The following NAALADL2 variants were observed in gnomAD, a reference collection of about 807,000 sequenced individuals.
NAALADL2 encodes the protein N-acetylated alpha-linked acidic dipeptidase like 2, also known as inactive N-acetylated-alpha-linked acidic dipeptidase-like protein 2.
A neutral mutation model predicts 87.2 loss-of-function variants in NAALADL2; 76 were observed. That is an observed-to-expected ratio of 0.87 (90% CI 0.72 to 1.05). The LOEUF is 1.05. Ranked by LOEUF, NAALADL2 falls within the 50% of genes least tolerant of loss-of-function variation. NAALADL2 has a pLI of 0.00. For missense variants in NAALADL2, 1,089 were observed against 945.8 expected (o/e 1.15, Z -1.99); for synonymous variants, 354 against 331.0 (o/e 1.07, Z -0.75).
chr3:175,370,288 T>C (rs1766295928), intron 5 of NAALADL2, among the ~76,000 whole-genome samples: 1 of 152,134 alleles, frequency 6.6e-6, no homozygotes, highest in Non-Finnish European at 1.5e-5. Flanking sequence ...ATTTTAAATA[T>C]CAAATTTTAA....
intron 1 of NAALADL2, among the ~76,000 whole-genome samples, chr3:174,924,036 C>T (rs1247580489): frequency 3.9e-5 from 6 of 152,086 alleles, no homozygotes; most frequent in Non-Finnish European, 8.8e-5. Flanking sequence ...TGGTATCTTA[C>T]TTGTTCAGGA....
intron 8 of NAALADL2, among the ~76,000 whole-genome samples, chr3:175,467,927 T>C (rs185081786): frequency 2.6e-5 from 4 of 152,286 alleles, no homozygotes; most frequent in Admixed American, 1.3e-4. Context: ...CTATTTACTT[T>C]TGTGATTTGT....
chr3:174,688,413 ACAAT>A (rs777070448), intron 2 of NAALADL2, among the ~76,000 whole-genome samples: 170 of 151,702 alleles, frequency 1.1e-3, no homozygotes, highest in Middle Eastern at 3.4e-3. Context: ...AAAAATATAA[ACAAT>A]CAGTCACATA....
chr3:175,070,772 A>G (rs1715487892), intron 1 of NAALADL2, among the ~76,000 whole-genome samples: 1 of 152,102 alleles, frequency 6.6e-6, no homozygotes, highest in African/African-American at 2.4e-5. Context: ...GTACCATATT[A>G]AAGTAAATAC....
chr3:175,666,587 A>G (rs190369666), intron 11 of NAALADL2, among the ~76,000 whole-genome samples: 1 of 152,306 alleles, frequency 6.6e-6, no homozygotes. Context: ...AACAAAAAAT[A>G]TCATTATTAT....
At chr3:174,808,040 C>T (rs1399804) in intron 3 of NAALADL2, among the ~76,000 whole-genome samples, 36,213 of 151,724 alleles carry the variant, frequency 0.24, 4,614 homozygotes, top group Middle Eastern at 0.3. Flanking sequence ...GTACATTATC[C>T]GTAAAAATAT....
chr3:175,329,622 C>T (rs1279069965), intron 5 of NAALADL2, among the ~76,000 whole-genome samples: 2 of 152,068 alleles, frequency 1.3e-5, no homozygotes, highest in South Asian at 4.1e-4. Context: ...ATATCTGTCA[C>T]TTGGTTGGGG....
At chr3:174,916,618 AAAACC>A (rs1734437560) in intron 1 of NAALADL2, among the ~76,000 whole-genome samples, 2 of 142,994 alleles carry the variant, frequency 1.4e-5, no homozygotes, top group South Asian at 4.5e-4. Context: ...CCAGGAATGG[AAAACC>A]AAATATTATA....
chr3:174,475,122 A>G (rs1313603660), intron 1 of NAALADL2, among the ~76,000 whole-genome samples: 2 of 151,952 alleles, frequency 1.3e-5, no homozygotes, highest in Non-Finnish European at 2.9e-5. Flanking sequence ...AATAGGTCCC[A>G]ACTGGAAATA....
At chr3:174,638,650 C>A (rs561866524) in intron 2 of NAALADL2, among the ~76,000 whole-genome samples, 1 of 151,618 alleles carries the variant, frequency 6.6e-6, no homozygotes, top group South Asian at 2.1e-4. Context: ...ATTAAGAAGA[C>A]TAAGATTTTC....
intron 5 of NAALADL2, among the ~76,000 whole-genome samples, chr3:175,368,313 TTC>T (rs1209527271): frequency 1.3e-5 from 2 of 152,164 alleles, no homozygotes; most frequent in Non-Finnish European, 2.9e-5. Context: ...TGGTCTAAAA[TTC>T]TCTTTTTTGG....
intron 1 of NAALADL2, among the ~76,000 whole-genome samples, chr3:174,896,331 A>C (rs1731523092): frequency 6.6e-6 from 1 of 152,158 alleles, no homozygotes; most frequent in African/African-American, 2.4e-5. Context: ...AAATTCATTC[A>C]AGTTGCAGGA....
intron 5 of NAALADL2, among the ~76,000 whole-genome samples, chr3:175,408,836 A>G (rs945832228): frequency 6.6e-6 from 1 of 152,000 alleles, no homozygotes; most frequent in Admixed American, 6.6e-5. Context: ...AAACAATCAC[A>G]TGCTGGAATA....
chr3:175,588,006 A>T (rs1046558783), intron 10 of NAALADL2, among the ~76,000 whole-genome samples: 13 of 152,178 alleles, frequency 8.5e-5, no homozygotes, highest in African/African-American at 3.1e-4. Flanking sequence ...CCTAGAACTC[A>T]GGGTAACTAG....
Position 175,298,718 on chromosome 3 carries a change from T to C in NAALADL2, c.940-25457T>C, listed in dbSNP as rs1756669859. Among the ~76,000 whole-genome samples the C allele has an allele frequency of 2.6e-5, 4 of 152,156 alleles. No individual in the cohort carries two copies. The South Asian group carries it at 8.3e-4, about 32-fold the overall frequency. On this transcript the variant is annotated intron_variant, in intron 4 of 13. Coordinates refer to ENST00000454872, the MANE Select transcript of NAALADL2 (RefSeq NM_207015.3). ...CTTTCAGTTGTATTCTGTGCATTTC[T>C]ATATTGGGTTCATTTAAATCAGAAT... is the stretch of plus-strand genomic sequence containing the variant.
intron 3 of NAALADL2, among the ~76,000 whole-genome samples, chr3:174,834,826 TAGA>T (rs200265157): frequency 0.036 from 5,402 of 151,060 alleles, 156 homozygotes; most frequent in Non-Finnish European, 0.054. Flanking sequence ...GTTTATTGGT[TAGA>T]AGACAATATT....
At chr3:174,844,489 G>A (rs897736446) in intron 3 of NAALADL2, among the ~76,000 whole-genome samples, 4 of 151,960 alleles carry the variant, frequency 2.6e-5, no homozygotes, top group African/African-American at 7.3e-5. Context: ...AGGTCTTTGT[G>A]GTTCCATATA....
At chr3:175,574,076 T>G (rs1718501380) in intron 9 of NAALADL2, among the ~76,000 whole-genome samples, 1 of 152,190 alleles carries the variant, frequency 6.6e-6, no homozygotes, top group Non-Finnish European at 1.5e-5. Flanking sequence ...AGATAGTTAT[T>G]AAAACATTAT....
intron 6 of NAALADL2, among the ~76,000 whole-genome samples, chr3:175,457,757 A>G (rs750569465): frequency 1.4e-5 from 2 of 147,946 alleles, no homozygotes; most frequent in Non-Finnish European, 3.0e-5. Context: ...TCTTGGCCTC[A>G]AGGGATCCTC....
Sources: allele counts gnomAD v4.1 joint callset (sites outside exome capture counted in the v4.1 genomes callset), GRCh38; gene constraint gnomAD v4.1.1; transcripts MANE v1.5; gene names NCBI Gene and HGNC (gene_info 2026-07-23, HGNC 2026-07-21).